The following PARP9 variants were observed in gnomAD, a reference collection of about 807,000 sequenced individuals.
PARP9 encodes the protein poly(ADP-ribose) polymerase family member 9.
Under a neutral mutation model 68.8 loss-of-function variants are expected in PARP9, and 48 were observed. That is an observed-to-expected ratio of 0.70 (90% CI 0.55 to 0.89). The LOEUF (loss-of-function observed/expected upper bound fraction) is 0.89, where lower values mean the gene tolerates loss of function less well. Among genes scored for constraint, PARP9 ranks in the 40% least tolerant of loss-of-function variants. PARP9 has a pLI of 0.00. For missense variants in PARP9, 806 were observed against 969.3 expected (o/e 0.83, Z 2.24); for synonymous variants, 309 against 333.8 (o/e 0.93, Z 0.81).
At chr3:122,546,743 T>C (rs1034007155) in intron 6 of PARP9, among the ~76,000 whole-genome samples, 4 of 151,904 alleles carry the variant, frequency 2.6e-5, no homozygotes, top group African/African-American at 9.7e-5. Flanking sequence ...GATGTATCAT[T>C]CTCTGTGTTT....
At chr3:122,552,332 T>C (rs2079272535) in intron 5 of PARP9, 86 bp downstream of exon 5, 1 of 1,001,352 alleles carries the variant, frequency 1.0e-6, no homozygotes, top group South Asian at 1.7e-5. Context: ...ATTTCATGAA[T>C]GTAATGAAAT....
In PARP9 at chr3:122,555,030, A is replaced by AT. The variant is rs1206452506; in HGVS notation, c.885+255_885+256insA. The stretch of plus-strand genomic sequence containing the variant: ...CCATGACCAGCCTATTTTAAAAAAA[A>AT]ACTTAAATTAAAATTTTTTAAAGAG... On this transcript the variant is annotated intron_variant, in intron 4 of 10. Transcript: ENST00000682323. 2.6e-5 allele frequency among the ~76,000 whole-genome samples: 4 copies of AT among 152,094 alleles called. No homozygotes were observed. In the East Asian group the frequency reaches 7.8e-4, roughly 29 times the overall value.
At chr3:122,540,356 G>A in intron 8 of PARP9, 116 bp downstream of exon 8, 9 of 1,301,764 alleles carry the variant, frequency 6.9e-6, no homozygotes, top group Non-Finnish European at 8.3e-6. Context: ...GAACCAGAAT[G>A]TTTGATCCCT....
chr3:122,556,267 ATTC>A lies in PARP9; in HGVS notation c.50-149_50-147del, dbSNP rs1354696599. ...TGAACTTCATGTAGTGCTCTTCATG[ATTC>A]TTCTTCTCAACTACACATATAATTA... On this transcript the variant is annotated intron_variant, in intron 3 of 10. Coordinates refer to ENST00000682323, the MANE Select transcript of PARP9 (RefSeq NM_001146105.2). The A allele has an allele frequency of 1.2e-5, 7 of 598,844 alleles. No homozygotes were observed. In the East Asian group the frequency reaches 1.7e-4, roughly 15 times the overall value. 37.1% of individuals were successfully genotyped at this position (598,844 alleles called of 1,614,324 possible).
At chr3:122,563,484 T>G (rs1187630200) in intron 1 of PARP9, among the ~76,000 whole-genome samples, 1 of 152,220 alleles carries the variant, frequency 6.6e-6, no homozygotes, top group Non-Finnish European at 1.5e-5. Flanking sequence ...TTCCTAAAAA[T>G]CATTAAAATT....
rs147610084 is a variant in PARP9, at chr3:122,540,761, C to A, written c.1476G>T (p.Met492Ile). The A allele has an allele frequency of 2.0e-4, 318 of 1,614,146 alleles. 4 individuals are homozygous for A. In the East Asian group the frequency reaches 7.0e-3, roughly 36 times the overall value. The change falls in exon 8 of 11, where the codon ATG (methionine) becomes ATT (isoleucine). Residue 492 changes from methionine (M) to isoleucine (I), a missense_variant. Physicochemically the swap from Met to Ile is conservative, Grantham distance 10. Transcript: ENST00000682323. ...TTTGGATCCATGCGTGGGCCTCATA[C>A]ATCTCTTCCACGTTGAATCCCATCA... Reference protein sequence around the residue: ...INLMGFNVEEMYEAHAWIQRI... With the variant: ...INLMGFNVEEIYEAHAWIQRI...
chr3:122,554,141 T>C (rs535036303), intron 4 of PARP9, among the ~76,000 whole-genome samples: 4 of 152,318 alleles, frequency 2.6e-5, no homozygotes, highest in African/African-American at 9.6e-5. Context: ...CTGTGTCTCC[T>C]GACTGTAGTC....
chr3:122,556,468 G>T (rs767439929), intron 3 of PARP9, among the ~76,000 whole-genome samples: 1 of 152,124 alleles, frequency 6.6e-6, no homozygotes, highest in Non-Finnish European at 1.5e-5. Context: ...TAAAAGTGGC[G>T]AGCTTAGAAA....
rs750507219 is a variant in PARP9, at chr3:122,550,673, CA to C, written c.1236del (p.Phe412LeufsTer5). ...TCTTTGGCAAATGTTAAAACTTCAT[CA>C]AACAAAATCTCTGCTGCTGTTTCCT... ...IKKETAAEIL[F>X]DEVLTFAKDH... On this transcript the variant is annotated frameshift_variant, in exon 6 of 11. Coordinates refer to ENST00000682323, the MANE Select transcript of PARP9 (RefSeq NM_001146105.2). LOFTEE classifies it high-confidence loss of function. The C allele has an allele frequency of 4.3e-6, 7 of 1,613,990 alleles. No homozygotes were observed. The African/African-American group carries it at 9.3e-5, about 22-fold the overall frequency.
rs143469161 is a variant in PARP9 at position 122,548,405 on chromosome 3, A to G, written c.1326+2179T>C. ...CCCTCTATATCCAAAATCCAGACAC[A>G]TGCCGAGAAGTCTCTCTAAAACTCG... On this transcript the variant is annotated intron_variant, in intron 6 of 10. Coordinates refer to ENST00000682323, the MANE Select transcript of PARP9 (RefSeq NM_001146105.2). Among the ~76,000 whole-genome samples the G allele has an allele frequency of 1.3e-3, 199 of 152,344 alleles. 1 individual carries two copies. Among genetic ancestry groups the G allele is most frequent in the African/African-American group, 4.5e-3 (186 of 41,592 alleles).
chr3:122,548,158 A>G (rs542235123), intron 6 of PARP9, among the ~76,000 whole-genome samples: 1 of 152,352 alleles, frequency 6.6e-6, no homozygotes, highest in Non-Finnish European at 1.5e-5. Context: ...CACAGAAATC[A>G]GCAAATGCTA....
intron 2 of PARP9, 77 bp downstream of exon 2, chr3:122,559,529 A>AGATTTCTTG: frequency 7.0e-7 from 1 of 1,422,992 alleles, no homozygotes; most frequent in Non-Finnish European, 9.4e-7. Flanking sequence ...TGAACACCCC[A>AGATTTCTTG]GATTTCTTGC....
In PARP9 at chr3:122,555,986, G is replaced by A. The variant is rs1335610903; in HGVS notation, c.185C>T (p.Ser62Phe). 6.2e-7 allele frequency: 1 copy of A among 1,613,852 alleles called. No individual in the cohort carries two copies. ...TTTGCTGTTGCCTTCCTGAACTGGA[G>A]AGACCAGGGTAGAGATACAGCCAAA... ...NKFGCISTLV[S>F]PVQEGNSKSL... The change falls in exon 4 of 11, where the codon TCT becomes TTT. Residue 62 changes from serine (S) to phenylalanine (F), a missense_variant. Physicochemically the swap from Ser to Phe is radical, Grantham distance 155. Coordinates refer to ENST00000682323, the MANE Select transcript of PARP9 (RefSeq NM_001146105.2).
At chr3:122,556,344 A>G (rs773957353) in intron 3 of PARP9, among the ~76,000 whole-genome samples, 1 of 152,024 alleles carries the variant, frequency 6.6e-6, no homozygotes, top group Non-Finnish European at 1.5e-5. Context: ...CATAAAGTGC[A>G]TAGTCTTGTG....
chr3:122,541,158 A>G (rs143238715), intron 7 of PARP9, among the ~76,000 whole-genome samples: 32,789 of 151,912 alleles, frequency 0.22, 4,041 homozygotes, highest in Non-Finnish European at 0.27. Context: ...CCACAGTGCC[A>G]GGATTACAGG....
intron 9 of PARP9, 115 bp from the exon 10 acceptor site, chr3:122,536,457 A>G: frequency 2.1e-6 from 3 of 1,460,704 alleles, no homozygotes; most frequent in Non-Finnish European, 2.7e-6. Flanking sequence ...CTTTGCATGC[A>G]ATTCGCTTTT....
rs2080025589 is a variant in PARP9 at position 122,559,676 on chromosome 3, A to C, written c.-56T>G. Reference sequence around the variant, plus strand: ...TTTATTCCCTTTTGCGCTTCAAAGCATAGACTGTAGTTTCCAGATATGGTG... The same window carrying C: ...TTTATTCCCTTTTGCGCTTCAAAGCCTAGACTGTAGTTTCCAGATATGGTG... On this transcript the variant is annotated 5_prime_UTR_variant, in exon 2 of 11. The change abolishes an upstream ATG in the 5' untranslated region. Transcript: ENST00000682323. 2.0e-6 allele frequency: 3 copies of C among 1,530,854 alleles called. No individual in the cohort carries two copies. The highest frequency in any genetic ancestry group is 2.8e-5 in the African/African-American group (2 of 72,492). 94.8% of individuals were successfully genotyped at this position (1,530,854 alleles called of 1,614,324 possible). A position where few individuals can be genotyped will look rare whatever the true frequency, so the allele number is the denominator to read the frequency against.
chr3:122,536,305 A>G lies in PARP9; in HGVS notation c.1943T>C (p.Phe648Ser). The G allele has an allele frequency of 6.2e-7, 1 of 1,614,190 alleles. No homozygotes were observed. Among genetic ancestry groups the G allele is most frequent in the Non-Finnish European group, 8.5e-7 (1 of 1,180,026 alleles). The change falls in exon 10 of 11, where the codon TTT (phenylalanine) becomes TCT (serine). Residue 648 changes from phenylalanine to serine, a missense_variant. Transcript: ENST00000682323. ...TTCCATCATTTTCTTCTTTCTTTGAAAGGCAGCCATAAGGACCTCATTGTC... is the reference window on the plus strand; with the variant it reads ...TTCCATCATTTTCTTCTTTCTTTGAGAGGCAGCCATAAGGACCTCATTGTC... The part of the protein sequence containing the change: ...KIDNEVLMAA[F>S]QRKKKMMEEK...
chr3:122,553,822 C>T (rs952685859), intron 4 of PARP9, among the ~76,000 whole-genome samples: 2 of 152,044 alleles, frequency 1.3e-5, no homozygotes, highest in African/African-American at 2.4e-5. Context: ...TCCCTCCTGC[C>T]CCCTCCACTT....
Sources: gnomAD v4.1 joint callset for allele counts (sites outside exome capture counted in the v4.1 genomes callset) on GRCh38, gnomAD v4.1.1 for gene constraint, MANE v1.5 for transcripts, NCBI Gene and HGNC (gene_info 2026-07-23, HGNC 2026-07-21) for gene names.